Variants in KNL1 observed in about 807,000 individuals in gnomAD.
The protein encoded by KNL1 is outer kinetochore KNL1 complex subunit KNL1.
A neutral mutation model predicts 201.3 loss-of-function variants in KNL1; 66 were observed. That is an observed-to-expected ratio of 0.33 (90% CI 0.27 to 0.40). KNL1 has a LOEUF of 0.40. Ranked by LOEUF, KNL1 falls within the 10% of genes least tolerant of loss-of-function variation. The pLI is 1.00. For synonymous variants in KNL1, 895 were observed against 899.2 expected (o/e 1.00, Z 0.08); for missense variants, 2,815 against 2,690.5 (o/e 1.05, Z -1.02).
chr15:40,629,221 T>G (rs1367223022), intron 12 of KNL1, 52 bp from the exon 13 acceptor site: 1 of 1,031,094 alleles, frequency 9.7e-7, no homozygotes, highest in African/African-American at 1.7e-5. Context: ...AGTGGTTATA[T>G]CAAAGTGAAA....
Position 40,625,420 on chromosome 15 carries a change from A to T in KNL1, c.5156A>T (p.Tyr1719Phe). The stretch of plus-strand genomic sequence containing the variant: ...ATAAATGAGGAAAATCTTCCTGTAT[A>T]TCCTGATGAGATCAATTCTTCAGAC... ...QYINEENLPV[Y>F]PDEINSSDSI... is the part of the protein sequence containing the mutation. The change falls in exon 10 of 26, where the codon TAT (tyrosine) becomes TTT (phenylalanine). Residue 1719 changes from tyrosine to phenylalanine, a missense_variant. By Grantham distance (22) the Tyr-to-Phe change is conservative. This residue lies in a region of KNL1 where 2,464 missense variants were observed against 2,291.7 expected (regional missense o/e 1.08). Coordinates refer to ENST00000399668, the MANE Select transcript of KNL1 (RefSeq NM_144508.5). 6.2e-7 allele frequency: 1 copy of T among 1,613,986 alleles called. No individual in the cohort carries two copies. Among genetic ancestry groups the T allele is most frequent in the Non-Finnish European group, 8.5e-7 (1 of 1,179,954 alleles).
At chr15:40,632,907 A>G (rs1265318936) in intron 13 of KNL1, among the ~76,000 whole-genome samples, 1 of 152,134 alleles carries the variant, frequency 6.6e-6, no homozygotes, top group African/African-American at 2.4e-5. Flanking sequence ...TTAAATAAAT[A>G]AATAAAATAC....
rs1891930589 is a variant in KNL1 at position 40,605,107 on chromosome 15, C to T, written c.36-3C>T. The stretch of plus-strand genomic sequence containing the variant: ...TGTATATAATTTTGTTTTCCTTTTT[C>T]AGTGACAATATAGAGAGACCTGTTA... On this transcript the variant is annotated splice_region_variant and splice_polypyrimidine_tract_variant and intron_variant, in intron 2 of 25. Transcript: ENST00000399668. 4.8e-6 allele frequency: 7 copies of T among 1,449,126 alleles called. No homozygotes were observed. Among genetic ancestry groups the T allele is most frequent in the Non-Finnish European group, 6.8e-6 (7 of 1,032,558 alleles). 89.8% of individuals were successfully genotyped at this position (1,449,126 alleles called of 1,614,324 possible).
chr15:40,658,583 A>G (rs900633827), intron 24 of KNL1, among the ~76,000 whole-genome samples: 10 of 147,982 alleles, frequency 6.8e-5, no homozygotes, highest in African/African-American at 2.5e-4. Context: ...AAAAAAAGAA[A>G]GAAAGAAAAG....
intron 3 of KNL1, 56 bp downstream of exon 3, chr15:40,605,205 A>G: frequency 1.0e-6 from 1 of 980,940 alleles, no homozygotes; most frequent in South Asian, 1.3e-5. Context: ...TGATAACCAT[A>G]TATCACAGTA....
At position 40,657,477 on chromosome 15, in the gene KNL1, AGT is replaced by A; in HGVS notation, c.6713+7_6713+8del. 7.4e-7 allele frequency: 1 copy of A among 1,350,120 alleles called. No individual in the cohort carries two copies. The highest frequency in any genetic ancestry group is 1.1e-6 in the Non-Finnish European group (1 of 940,222). The allele number at this position is 1,350,120 out of a possible 1,614,324, so 83.6% of individuals were successfully genotyped here. ...ACATAGATATTAATAATAATGAGTA[AGT>A]GTATTAGTTCCCAAGGACTGCCATG... On this transcript the variant is annotated splice_donor_5th_base_variant and intron_variant, in intron 24 of 25. Transcript: ENST00000399668.
intron 25 of KNL1, 79 bp from the exon 26 acceptor site, chr15:40,661,995 C>G (rs1330341026): frequency 1.3e-6 from 1 of 749,764 alleles, no homozygotes; most frequent in Non-Finnish European, 2.3e-6. Context: ...GAGCGGATTG[C>G]GCCACTGCAC....
Position 40,659,269 on chromosome 15 carries a change from A to C in KNL1, c.6714-70A>C, listed in dbSNP as rs1893832142. ...ATAGAGCAAGACTCCGTCTCAAAAA[A>C]AAAAAAAAAGAAATTGTGTTTCATG... On this transcript the variant is annotated intron_variant, in intron 24 of 25. Transcript: ENST00000399668. The C allele has an allele frequency of 3.4e-6, 5 of 1,481,808 alleles. No homozygotes were observed. In the Admixed American group the frequency reaches 7.9e-5, roughly 23 times the overall value. The allele number at this position is 1,481,808 out of a possible 1,614,324, so 91.8% of individuals were successfully genotyped here.
At chr15:40,607,159 C>G (rs1388400940) in intron 4 of KNL1, among the ~76,000 whole-genome samples, 1 of 152,228 alleles carries the variant, frequency 6.6e-6, no homozygotes, top group African/African-American at 2.4e-5. Flanking sequence ...CTGGGCCTCC[C>G]AAAGTGTGGG....
Position 40,624,530 on chromosome 15 carries a change from T to C in KNL1, c.4266T>C (p.Ser1422=). 1 of 1,613,838 alleles carries C rather than the reference T, an allele frequency of 6.2e-7. No homozygotes were observed. Among genetic ancestry groups the C allele is most frequent in the Non-Finnish European group, 8.5e-7 (1 of 1,179,884 alleles). Residue 1422 remains serine, a synonymous_variant, in exon 10 of 26, where the codon TCT becomes TCC. Transcript: ENST00000399668. ...EMTKLNSKRV[S]FKLPKDQMKV... Reference sequence around the variant, plus strand: ...CTAAACTTAATTCAAAGCGAGTATCTTTTAAGCTTCCAAAGGATCAAATGA... The same window carrying C: ...CTAAACTTAATTCAAAGCGAGTATCCTTTAAGCTTCCAAAGGATCAAATGA...
chr15:40,598,364 G>A (rs1484573492), intron 1 of KNL1, among the ~76,000 whole-genome samples: 1 of 151,980 alleles, frequency 6.6e-6, no homozygotes, highest in Non-Finnish European at 1.5e-5. Context: ...GAGGCCAGGA[G>A]CTCATGACAA....
intron 21 of KNL1, among the ~76,000 whole-genome samples, 154 bp from the exon 22 acceptor site, chr15:40,654,755 G>A (rs1481340799): frequency 6.6e-6 from 1 of 152,108 alleles, no homozygotes; most frequent in Admixed American, 6.6e-5. Flanking sequence ...TGTAGTCCCA[G>A]CTACTCAGGA....
Position 40,621,871 on chromosome 15 carries a change from G to A in KNL1, c.1607G>A (p.Cys536Tyr). Residue 536 changes from cysteine to tyrosine, a missense_variant, in exon 10 of 26, where the codon TGT becomes TAT. By Grantham distance (194) the Cys-to-Tyr change is radical. Transcript: ENST00000399668. ...GAAGATGGGAAAATGAATGTAAATTGTAACTCAGTTCCTCATGTATCTAAG... is the reference window on the plus strand; with the variant it reads ...GAAGATGGGAAAATGAATGTAAATTATAACTCAGTTCCTCATGTATCTAAG... ...TSEDGKMNVN[C>Y]NSVPHVSKER... 1 of 1,613,962 alleles carries A rather than the reference G, an allele frequency of 6.2e-7. No homozygotes were observed. Among genetic ancestry groups the A allele is most frequent in the East Asian group, 2.2e-5 (1 of 44,886 alleles).
At chr15:40,648,869 TACCCAGGCTGGAGTCA>T (rs1357645275) in intron 17 of KNL1, among the ~76,000 whole-genome samples, 13 of 148,650 alleles carry the variant, frequency 8.7e-5, no homozygotes, top group Admixed American at 4.1e-4. Flanking sequence ...TCACTGTCGT[TACCCAGGCTGGAGTCA>T]ATGGCACAAT....
Position 40,659,892 on chromosome 15 carries a change from T to TTGTG in KNL1, c.6836+432_6836+433insGTGT, listed in dbSNP as rs749156028. Among the ~76,000 whole-genome samples the TTGTG allele has an allele frequency of 5.1e-4, 61 of 120,184 alleles. 1 individual carries two copies. Among genetic ancestry groups the TTGTG allele is most frequent in the Middle Eastern group, 4.6e-3 (1 of 218 alleles). The allele number at this position is 120,184 out of a possible 152,430, so 78.8% of individuals were successfully genotyped here. On this transcript the variant is annotated intron_variant, in intron 25 of 25. Coordinates refer to ENST00000399668, the MANE Select transcript of KNL1 (RefSeq NM_144508.5). The stretch of plus-strand genomic sequence containing the variant: ...TTCTCTTGAGTTCATTTTGAAGAAT[T>TTGTG]TATGTGTGTGTGTGTGTGTGTGTGT...
intron 2 of KNL1, among the ~76,000 whole-genome samples, chr15:40,604,363 TA>T (rs1160558906): frequency 1.3e-5 from 2 of 152,176 alleles, no homozygotes; most frequent in African/African-American, 4.8e-5. Flanking sequence ...GTTTTTGGCT[TA>T]TACATAGTAT....
At chr15:40,612,848 A>T (rs1260719527) in intron 7 of KNL1, among the ~76,000 whole-genome samples, 1 of 152,146 alleles carries the variant, frequency 6.6e-6, no homozygotes, top group Admixed American at 6.5e-5. Flanking sequence ...CAGTCAGTTA[A>T]GGAAATAGGT....
chr15:40,631,895 A>G (rs150066320), intron 13 of KNL1, among the ~76,000 whole-genome samples: 34 of 151,862 alleles, frequency 2.2e-4, no homozygotes, highest in African/African-American at 7.2e-4. Context: ...TGTGGTCCCA[A>G]CTACTCAGGA....
Position 40,622,629 on chromosome 15 carries a change from C to G in KNL1, c.2365C>G (p.His789Asp). The G allele has an allele frequency of 6.2e-7, 1 of 1,600,692 alleles. No individual in the cohort carries two copies. The highest frequency in any genetic ancestry group is 8.5e-7 in the Non-Finnish European group (1 of 1,174,464). Residue 789 changes from histidine (H) to aspartate (D), a missense_variant, in exon 10 of 26, where the codon CAC becomes GAC. This residue lies in a region of KNL1 where 2,464 missense variants were observed against 2,291.7 expected (regional missense o/e 1.08). Coordinates refer to ENST00000399668, the MANE Select transcript of KNL1 (RefSeq NM_144508.5). ...LQELGKTNLE[H>D]TTGQLTTMNR... is the part of the protein sequence containing the mutation. ...AGAACTTGGTAAAACTAATTTAGAA[C>G]ACACTACTGGCCAGCTAACAACAAT...
Sources: allele counts gnomAD v4.1 joint callset (sites outside exome capture counted in the v4.1 genomes callset), GRCh38; gene constraint gnomAD v4.1.1; regional missense constraint gnomAD v4.1.1; transcripts MANE v1.5; gene names NCBI Gene and HGNC (gene_info 2026-07-23, HGNC 2026-07-21).